KCNQ3: variants seen among roughly 807,000 people sequenced by gnomAD.
KCNQ3 encodes potassium voltage-gated channel subfamily KQT member 3.
Under a neutral mutation model 92.5 loss-of-function variants are expected in KCNQ3, and 30 were observed. The observed-to-expected ratio is 0.32, with a 90% CI of 0.24 to 0.44. KCNQ3 has a LOEUF of 0.44. Among genes scored for constraint, KCNQ3 ranks in the 20% least tolerant of loss-of-function variants. The pLI, the probability that KCNQ3 is intolerant of heterozygous loss-of-function variation, is 1.00. For missense variants in KCNQ3, 913 were observed against 1,140.3 expected (o/e 0.80, Z 2.87); for synonymous variants, 450 against 468.8 (o/e 0.96, Z 0.52).
intron 2 of KCNQ3, among the ~76,000 whole-genome samples, chr8:132,185,638 C>T (rs1826935103): frequency 6.6e-6 from 1 of 152,126 alleles, no homozygotes; most frequent in Non-Finnish European, 1.5e-5. Flanking sequence ...AATGCAGGCC[C>T]CAGGAGGGGA....
chr8:132,130,571 T>C (rs1165817158), intron 14 of KCNQ3, among the ~76,000 whole-genome samples: 1 of 152,148 alleles, frequency 6.6e-6, no homozygotes, highest in Non-Finnish European at 1.5e-5. Context: ...GAGAGATGCT[T>C]TGAAGTGTTA....
intron 1 of KCNQ3, among the ~76,000 whole-genome samples, chr8:132,450,413 G>T (rs1265462115): frequency 6.6e-6 from 1 of 152,164 alleles, no homozygotes; most frequent in Non-Finnish European, 1.5e-5. Flanking sequence ...ACAGAGTGCT[G>T]ATTGGTGCAT....
rs144087270 is a variant in KCNQ3 at position 132,479,725 on chromosome 8, G to A, written c.386+422C>T. 5.8e-3 allele frequency among the ~76,000 whole-genome samples: 865 copies of A among 149,478 alleles called. 6 individuals are homozygous for A. Among genetic ancestry groups the A allele is most frequent in the Middle Eastern group, 0.027 (7 of 258 alleles). On this transcript the variant is annotated intron_variant, in intron 1 of 14. Transcript: ENST00000388996. ...AACTCAGTGGCGATCCCAACAGAAG[G>A]GATCCACCCGAAACAGAAACACAGA...
chr8:132,345,778 T>C (rs1818669224), intron 1 of KCNQ3, among the ~76,000 whole-genome samples: 1 of 152,144 alleles, frequency 6.6e-6, no homozygotes, highest in Non-Finnish European at 1.5e-5. Flanking sequence ...TTCTTGTATG[T>C]CATGTAGAAG....
chr8:132,350,220 A>G (rs1818818402), intron 1 of KCNQ3, among the ~76,000 whole-genome samples: 1 of 152,118 alleles, frequency 6.6e-6, no homozygotes, highest in African/African-American at 2.4e-5. Context: ...TGACACACAG[A>G]CCCAATCACC....
intron 1 of KCNQ3, among the ~76,000 whole-genome samples, chr8:132,476,491 G>C (rs1329350186): frequency 6.6e-6 from 1 of 152,238 alleles, no homozygotes; most frequent in African/African-American, 2.4e-5. Context: ...CCTTGCATTA[G>C]GGTGGCCTGG....
rs1183958976 is a variant in KCNQ3, at chr8:132,480,623, G to C, written c.-91C>G. Reference sequence around the variant, plus strand: ...GTGCGTGAACGAGGCGGCGGCGGCGGCTGCAAGCCCGGGAACTCCAATGCC... The same window carrying C: ...GTGCGTGAACGAGGCGGCGGCGGCGCCTGCAAGCCCGGGAACTCCAATGCC... On this transcript the variant is annotated 5_prime_UTR_variant, in exon 1 of 15. Transcript: ENST00000388996. 8.4e-7 allele frequency: 1 copy of C among 1,184,874 alleles called. No individual in the cohort carries two copies. The allele number at this position is 1,184,874 out of a possible 1,614,324, so 73.4% of individuals were successfully genotyped here.
chr8:132,247,374 T>C (rs922860834), intron 1 of KCNQ3, among the ~76,000 whole-genome samples: 2 of 152,204 alleles, frequency 1.3e-5, no homozygotes, highest in South Asian at 4.1e-4. Flanking sequence ...CCAGGTTTGA[T>C]GAAGTCCAAG....
At position 132,417,248 on chromosome 8, in the gene KCNQ3, T is replaced by G. The variant is rs138398008; in HGVS notation, c.386+62899A>C. Among the ~76,000 whole-genome samples the G allele has an allele frequency of 5.6e-3, 850 of 152,284 alleles. 7 individuals are homozygous for G. The highest frequency in any genetic ancestry group is 0.02 in the African/African-American group (820 of 41,572). ...GGGATTGGCAATAACAGAGAACTGT[T>G]ACCATCTCTCCAACTAAGGAGGCCA... On this transcript the variant is annotated intron_variant, in intron 1 of 14. Coordinates refer to ENST00000388996, the MANE Select transcript of KCNQ3 (RefSeq NM_004519.4).
At chr8:132,466,402 G>A (rs2130862552) in intron 1 of KCNQ3, among the ~76,000 whole-genome samples, 1 of 152,056 alleles carries the variant, frequency 6.6e-6, no homozygotes, top group African/African-American at 2.4e-5. Context: ...TACCTCCTCA[G>A]GACTCACTCC....
intron 3 of KCNQ3, 34 bp downstream of exon 3, chr8:132,184,207 T>A: frequency 6.2e-7 from 1 of 1,613,892 alleles, no homozygotes; most frequent in Non-Finnish European, 8.5e-7. Flanking sequence ...AGAAGGGAAC[T>A]GAGGAGGCTG....
chr8:132,244,387 GAAGT>G (rs1004675997), intron 1 of KCNQ3, among the ~76,000 whole-genome samples: 3 of 151,722 alleles, frequency 2.0e-5, no homozygotes, highest in Admixed American at 2.0e-4. Flanking sequence ...AGAGAGAAAG[GAAGT>G]GAGGGAGAGA....
At chr8:132,381,459 C>G (rs934782768) in intron 1 of KCNQ3, among the ~76,000 whole-genome samples, 7 of 152,156 alleles carry the variant, frequency 4.6e-5, no homozygotes, top group Non-Finnish European at 1.0e-4. Flanking sequence ...GTAGAGAATT[C>G]TAGGTCTTCT....
Position 132,437,304 on chromosome 8 carries a change from A to C in KCNQ3, c.386+42843T>G, listed in dbSNP as rs556886300. ...AAAAAAAAATAAAAATAAAAAATAAAAAAAATAAAAAAAAAGAGTGGGGTG... is the reference window on the plus strand; with the variant it reads ...AAAAAAAAATAAAAATAAAAAATAACAAAAATAAAAAAAAAGAGTGGGGTG... On this transcript the variant is annotated intron_variant, in intron 1 of 14. Transcript: ENST00000388996. Among the ~76,000 whole-genome samples the C allele has an allele frequency of 8.5e-5, 13 of 152,080 alleles. No homozygotes were observed. The East Asian group carries it at 2.3e-3, about 27-fold the overall frequency.
Position 132,196,664 on chromosome 8 carries a change from C to T in KCNQ3, c.387-10483G>A, listed in dbSNP as rs1827306144. ...GCTTGGAGAAGTTCTTTCCTCTCCT[C>T]AGATTTCAGTGCCTACATCTGTGAA... is the stretch of plus-strand genomic sequence containing the variant. On this transcript the variant is annotated intron_variant, in intron 1 of 14. Coordinates refer to ENST00000388996, the MANE Select transcript of KCNQ3 (RefSeq NM_004519.4). Among the ~76,000 whole-genome samples the T allele has an allele frequency of 2.0e-5, 3 of 152,210 alleles. No individual in the cohort carries two copies. In the South Asian group the frequency reaches 6.2e-4, roughly 32 times the overall value.
At chr8:132,217,721 A>C (rs1210677946) in intron 1 of KCNQ3, among the ~76,000 whole-genome samples, 3 of 151,550 alleles carry the variant, frequency 2.0e-5, no homozygotes, top group East Asian at 3.9e-4. Flanking sequence ...AAAAAAAAAA[A>C]AAAAAAAAAC....
At chr8:132,431,438 C>T (rs909876568) in intron 1 of KCNQ3, among the ~76,000 whole-genome samples, 4 of 152,186 alleles carry the variant, frequency 2.6e-5, no homozygotes, top group African/African-American at 9.7e-5. Context: ...ACACAGGCAT[C>T]CCTGGCCAGC....
chr8:132,480,406 C>G lies in KCNQ3; in HGVS notation c.127G>C (p.Val43Leu). Residue 43 changes from valine to leucine, a missense_variant, in exon 1 of 15, where the codon GTG becomes CTG. Coordinates refer to ENST00000388996, the MANE Select transcript of KCNQ3 (RefSeq NM_004519.4). The part of the protein sequence containing the change: ...AAAAGDEERK[V>L]GLAPGDVEQV... Reference sequence around the variant, plus strand: ...TCCACGTCGCCGGGCGCCAGCCCCACTTTCCGCTCCTCGTCGCCGGCCGCC... The same window carrying G: ...TCCACGTCGCCGGGCGCCAGCCCCAGTTTCCGCTCCTCGTCGCCGGCCGCC... 6.6e-7 allele frequency: 1 copy of G among 1,519,046 alleles called. No homozygotes were observed. Among genetic ancestry groups the G allele is most frequent in the Non-Finnish European group, 8.8e-7 (1 of 1,140,470 alleles). The allele number at this position is 1,519,046 out of a possible 1,614,324, so 94.1% of individuals were successfully genotyped here.
chr8:132,176,839 A>G (rs1315622492), intron 4 of KCNQ3, among the ~76,000 whole-genome samples: 1 of 152,212 alleles, frequency 6.6e-6, no homozygotes, highest in African/African-American at 2.4e-5. Flanking sequence ...CAAGCCTCCA[A>G]CATTTTATTA....
Sources: gnomAD v4.1 joint callset for allele counts (sites outside exome capture counted in the v4.1 genomes callset) on GRCh38, gnomAD v4.1.1 for gene constraint, MANE v1.5 for transcripts, NCBI Gene and HGNC (gene_info 2026-07-23, HGNC 2026-07-21) for gene names.